DOCK8: variants seen among roughly 807,000 people sequenced by gnomAD.
DOCK8 encodes dedicator of cytokinesis 8.
A neutral mutation model predicts 245.6 loss-of-function variants in DOCK8; 141 were observed. That is an observed-to-expected ratio of 0.57 (90% CI 0.50 to 0.66). DOCK8 has a LOEUF of 0.66. Ranked by LOEUF, DOCK8 falls within the 30% of genes least tolerant of loss-of-function variation. The pLI, the probability that DOCK8 is intolerant of heterozygous loss-of-function variation, is 0.00. For synonymous variants in DOCK8, 1,168 were observed against 970.2 expected, an observed-to-expected ratio of 1.20 and a Z score of -3.79; for missense variants, 2,965 against 2,603.4, an observed-to-expected ratio of 1.14 and a Z score of -3.02.
At chr9:436,740 A>G (rs969857525) in intron 39 of DOCK8, among the ~76,000 whole-genome samples, 10 of 152,244 alleles carry the variant, frequency 6.6e-5, no homozygotes, top group African/African-American at 1.9e-4. Flanking sequence ...CTGTTCACAT[A>G]TATTTATCCA....
chr9:255,112 C>A (rs1003037775), intron 1 of DOCK8, among the ~76,000 whole-genome samples: 8 of 151,736 alleles, frequency 5.3e-5, no homozygotes. Context: ...TATTTAAGTT[C>A]TCTAAAAAAA....
chr9:336,970 G>T (rs2051341140), intron 12 of DOCK8, among the ~76,000 whole-genome samples: 1 of 152,162 alleles, frequency 6.6e-6, no homozygotes, highest in South Asian at 2.1e-4. Flanking sequence ...CTTTCTTGCT[G>T]GCGGGGCCTC....
At chr9:417,573 A>G (rs139535465) in intron 29 of DOCK8, among the ~76,000 whole-genome samples, 2 of 152,330 alleles carry the variant, frequency 1.3e-5, no homozygotes, top group South Asian at 2.1e-4. Context: ...TTTTGCTTGC[A>G]TACATCTAGA....
At chr9:339,827 A>C (rs1336375788) in intron 13 of DOCK8, among the ~76,000 whole-genome samples, 1 of 152,150 alleles carries the variant, frequency 6.6e-6, no homozygotes, top group Non-Finnish European at 1.5e-5. Flanking sequence ...AGCCAATTTT[A>C]AAACTCCCAA....
chr9:311,830 G>T, intron 5 of DOCK8, 124 bp from the exon 6 acceptor site: 1 of 1,186,292 alleles, frequency 8.4e-7, no homozygotes, highest in Non-Finnish European at 1.2e-6. Flanking sequence ...TTCTTCAGAA[G>T]ACTTGAGGCC....
At chr9:422,940 G>A (rs1468504908) in intron 33 of DOCK8, among the ~76,000 whole-genome samples, 2 of 148,552 alleles carry the variant, frequency 1.3e-5, no homozygotes, top group African/African-American at 5.0e-5. Flanking sequence ...AGCCAAGATC[G>A]TGCCATTGCA....
At chr9:382,867 G>A (rs1419263966) in intron 22 of DOCK8, among the ~76,000 whole-genome samples, 182 bp downstream of exon 22, 1 of 152,132 alleles carries the variant, frequency 6.6e-6, no homozygotes, top group African/African-American at 2.4e-5. Flanking sequence ...GACAGATGCA[G>A]CAGCAAGACC....
At chr9:362,057 T>A (rs1412145568) in intron 14 of DOCK8, among the ~76,000 whole-genome samples, 1 of 152,194 alleles carries the variant, frequency 6.6e-6, no homozygotes, top group Non-Finnish European at 1.5e-5. Context: ...TGGCTCTCTT[T>A]GAGATTTTTA....
intron 4 of DOCK8, among the ~76,000 whole-genome samples, chr9:298,800 T>C (rs2049391680): frequency 1.3e-5 from 2 of 152,122 alleles, no homozygotes; most frequent in African/African-American, 4.8e-5. Flanking sequence ...AGCTGCTTCC[T>C]AATTTTTATT....
At chr9:319,433 A>G (rs531034737) in intron 7 of DOCK8, among the ~76,000 whole-genome samples, 3 of 152,356 alleles carry the variant, frequency 2.0e-5, no homozygotes, top group Admixed American at 6.5e-5. Context: ...TGTTTTAAAT[A>G]GTATCTATAC....
At chr9:427,518 A>G (rs1392885403) in intron 34 of DOCK8, among the ~76,000 whole-genome samples, 2 of 152,218 alleles carry the variant, frequency 1.3e-5, no homozygotes, top group African/African-American at 4.8e-5. Context: ...TGAACTTTGT[A>G]CCATACTAAT....
At chr9:329,852 T>C (rs917376549) in intron 9 of DOCK8, among the ~76,000 whole-genome samples, 2 of 152,262 alleles carry the variant, frequency 1.3e-5, no homozygotes, top group African/African-American at 4.8e-5. Flanking sequence ...TGTATAAATG[T>C]GTTCATTTGG....
intron 1 of DOCK8, among the ~76,000 whole-genome samples, chr9:234,622 C>G (rs551486784): frequency 1.3e-5 from 2 of 152,248 alleles, no homozygotes; most frequent in East Asian, 1.9e-4. Context: ...CTGTAAACTT[C>G]TCTTCTCACT....
intron 14 of DOCK8, among the ~76,000 whole-genome samples, chr9:344,739 A>G (rs2051787124): frequency 1.3e-5 from 2 of 152,148 alleles, no homozygotes; most frequent in South Asian, 4.1e-4. Flanking sequence ...GATTAGTCTT[A>G]TCACTCCCAA....
chr9:294,405 G>T (rs192885009), intron 4 of DOCK8, among the ~76,000 whole-genome samples: 1 of 152,278 alleles, frequency 6.6e-6, no homozygotes, highest in Admixed American at 6.5e-5. Context: ...CATTAAACTG[G>T]CGTGTTCCCA....
intron 1 of DOCK8, among the ~76,000 whole-genome samples, chr9:226,992 A>C (rs1203642353): frequency 6.6e-6 from 1 of 152,218 alleles, no homozygotes; most frequent in African/African-American, 2.4e-5. Context: ...CTCTCTGCAG[A>C]GATAAATGAT....
At position 399,267 on chromosome 9, in the gene DOCK8, T is replaced by TGGGCG; in HGVS notation, c.3234+8_3234+9insGGGCG. 2.0e-6 allele frequency: 3 copies of TGGGCG among 1,534,466 alleles called. No individual in the cohort carries two copies. Among genetic ancestry groups the TGGGCG allele is most frequent in the Non-Finnish European group, 2.6e-6 (3 of 1,156,086 alleles). The stretch of plus-strand genomic sequence containing the variant: ...AGACATTATTGCAGCCAGGTGAGTG[T>TGGGCG]CCCCCCCACCCCCACCCCCGAGCGA... On this transcript the variant is annotated intron_variant, in intron 26 of 47. Coordinates refer to ENST00000432829, the MANE Select transcript of DOCK8 (RefSeq NM_203447.4).
chr9:353,770 T>C (rs1212301287), intron 14 of DOCK8, among the ~76,000 whole-genome samples: 1 of 152,216 alleles, frequency 6.6e-6, no homozygotes, highest in Non-Finnish European at 1.5e-5. Context: ...CCAAGTATTA[T>C]TGAAATGTTT....
intron 1 of DOCK8, among the ~76,000 whole-genome samples, chr9:232,592 C>T (rs2047141458): frequency 1.3e-5 from 2 of 152,126 alleles, no homozygotes; most frequent in South Asian, 4.1e-4. Flanking sequence ...TTTGTCTATT[C>T]AGAGATTCAA....
Sources: gnomAD v4.1 joint callset for allele counts (sites outside exome capture counted in the v4.1 genomes callset) on GRCh38, gnomAD v4.1.1 for gene constraint, MANE v1.5 for transcripts, NCBI Gene and HGNC (gene_info 2026-07-23, HGNC 2026-07-21) for gene names.